Variants in USP8 observed in about 807,000 individuals in gnomAD.
USP8 encodes the protein ubiquitin carboxyl-terminal hydrolase 8.
Under a neutral mutation model 130.0 loss-of-function variants are expected in USP8, and 27 were observed. That is an observed-to-expected ratio of 0.21 (90% CI 0.15 to 0.29). USP8 has a LOEUF of 0.29. USP8 is among the 10% of genes least tolerant of loss of function. USP8 has a pLI of 1.00. For synonymous variants in USP8, 392 were observed against 444.1 expected (o/e 0.88, Z 1.48); for missense variants, 1,029 against 1,312.2 (o/e 0.78, Z 3.33).
At chr15:50,476,255 C>T (rs560078960) in intron 8 of USP8, among the ~76,000 whole-genome samples, 2 of 152,234 alleles carry the variant, frequency 1.3e-5, no homozygotes, top group African/African-American at 4.8e-5. Flanking sequence ...CATGGCGAAA[C>T]CCCAGCTCAC....
chr15:50,484,486 C>A (rs2051884995), intron 12 of USP8, 125 bp downstream of exon 12: 3 of 706,800 alleles, frequency 4.2e-6, no homozygotes, highest in East Asian at 3.3e-5. Flanking sequence ...TCGTTGCCAT[C>A]TTTGGTAGCT....
At position 50,500,752 on chromosome 15, in the gene USP8, G is replaced by GTGT. The variant is rs1566898368; in HGVS notation, c.*1666_*1668dup. ...AGTATCTGGAATCTCACTGACTCGT[G>GTGT]TGTTATCAAAGCTATATCAGGCCTG... On this transcript the variant is annotated 3_prime_UTR_variant, in exon 20 of 20. Coordinates refer to ENST00000307179, the MANE Select transcript of USP8 (RefSeq NM_005154.5). The GTGT allele has an allele frequency of 6.3e-7, 1 of 1,577,646 alleles. No homozygotes were observed. The highest frequency in any genetic ancestry group is 8.6e-7 in the Non-Finnish European group (1 of 1,160,608).
rs2051602956 is a variant in USP8 at position 50,477,380 on chromosome 15, G to A, written c.1099G>A (p.Gly367Ser). The A allele has an allele frequency of 3.7e-6, 6 of 1,614,096 alleles. No homozygotes were observed. The highest frequency in any genetic ancestry group is 5.1e-6 in the Non-Finnish European group (6 of 1,180,018). The change falls in exon 10 of 20, where the codon GGT (glycine) becomes AGT (serine). Residue 367 changes from glycine to serine, a missense_variant. Gly to Ser is a moderately conservative substitution (Grantham distance 56, BLOSUM62 0). Transcript: ENST00000307179. ...EVDENIELIS[G>S]QNERMGPLNI... ...AGATGAAAATATAGAATTGATAAGT[G>A]GTCAAAATGAGAGAATGGGACCACT... is the stretch of plus-strand genomic sequence containing the variant.
At chr15:50,491,831 G>C (rs1373471491) in intron 14 of USP8, among the ~76,000 whole-genome samples, 1 of 152,046 alleles carries the variant, frequency 6.6e-6, no homozygotes, top group African/African-American at 2.4e-5. Context: ...TGTCCAGTAT[G>C]GTTTGTGTCT....
chr15:50,460,019 C>G (rs2050933659), intron 5 of USP8, among the ~76,000 whole-genome samples: 1 of 77,618 alleles, frequency 1.3e-5, no homozygotes, highest in Non-Finnish European at 2.4e-5. Context: ...TTTTTTGAGA[C>G]AGAGTCTCAT....
intron 4 of USP8, among the ~76,000 whole-genome samples, chr15:50,454,065 T>C (rs1356192698): frequency 1.3e-5 from 2 of 152,144 alleles, no homozygotes; most frequent in East Asian, 3.9e-4. Context: ...GGTTTTACCA[T>C]GTTGGCCAGG....
intron 3 of USP8, among the ~76,000 whole-genome samples, chr15:50,441,903 A>G (rs1001145927): frequency 6.7e-6 from 1 of 149,118 alleles, no homozygotes; most frequent in Non-Finnish European, 1.5e-5. Context: ...CTTTTTATAT[A>G]TGACTGACAT....
rs2052614445 is a variant in USP8 at position 50,503,130 on chromosome 15, T to A, written c.*4042T>A. The A allele has an allele frequency of 6.6e-6, 1 of 152,140 alleles. No individual in the cohort carries two copies. Among genetic ancestry groups the A allele is most frequent in the Non-Finnish European group, 1.5e-5 (1 of 68,040 alleles). 9.4% of individuals were successfully genotyped at this position (152,140 alleles called of 1,614,324 possible). On this transcript the variant is annotated 3_prime_UTR_variant, in exon 20 of 20. Coordinates refer to ENST00000307179, the MANE Select transcript of USP8 (RefSeq NM_005154.5). The stretch of plus-strand genomic sequence containing the variant: ...TGGGAGGCTGAGGCAGGCGGATCAC[T>A]TGAGGTCAGGAGTTTGAGACTAGCC...
At chr15:50,441,564 A>C in intron 3 of USP8, 71 bp downstream of exon 3, 21 of 1,314,498 alleles carry the variant, frequency 1.6e-5, no homozygotes, top group Non-Finnish European at 2.1e-5. Flanking sequence ...TTTTTCTAAA[A>C]ATTTTAAGTA....
chr15:50,473,818 A>T (rs111775104), intron 8 of USP8, among the ~76,000 whole-genome samples: 5,309 of 149,402 alleles, frequency 0.036, 161 homozygotes, highest in East Asian at 0.15. Context: ...ATATATATAT[A>T]TATTTTTTTA....
chr15:50,454,267 G>T (rs2050717469), intron 4 of USP8, among the ~76,000 whole-genome samples: 2 of 151,888 alleles, frequency 1.3e-5, no homozygotes, highest in Admixed American at 1.3e-4. Context: ...ACTGTCTTCT[G>T]GCCTCCATTG....
chr15:50,450,643 G>A (rs1295547350), intron 4 of USP8, among the ~76,000 whole-genome samples: 4 of 151,600 alleles, frequency 2.6e-5, no homozygotes, highest in African/African-American at 9.7e-5. Context: ...GGCTAATTTT[G>A]TATTTTTAGT....
intron 18 of USP8, 40 bp downstream of exon 18, chr15:50,497,271 A>G (rs1373776619): frequency 1.5e-5 from 23 of 1,560,008 alleles, no homozygotes; most frequent in South Asian, 2.4e-5. Context: ...GTGAAATTAA[A>G]TGAGGGAATT....
chr15:50,464,928 C>T, intron 6 of USP8, 119 bp from the exon 7 acceptor site: 1 of 971,356 alleles, frequency 1.0e-6, no homozygotes, highest in Non-Finnish European at 1.5e-6. Flanking sequence ...AAATATGTGG[C>T]ATCCATATAT....
At chr15:50,474,244 A>T (rs3131563) in intron 8 of USP8, among the ~76,000 whole-genome samples, 151,076 of 152,236 alleles carry the variant, frequency 0.99, 74,982 homozygotes, top group Middle Eastern at 1. Flanking sequence ...GCTCAAACAA[A>T]CTCCTGCCTC....
chr15:50,494,908 AG>A (rs1405716065), intron 16 of USP8, among the ~76,000 whole-genome samples: 1 of 151,982 alleles, frequency 6.6e-6, no homozygotes, highest in African/African-American at 2.4e-5. Flanking sequence ...CCAGCTACTC[AG>A]GTGGCTGAAG....
intron 19 of USP8, 85 bp from the exon 20 acceptor site, chr15:50,498,818 A>G: frequency 6.5e-7 from 1 of 1,549,742 alleles, no homozygotes; most frequent in Non-Finnish European, 8.7e-7. Flanking sequence ...AAGAGTAAGA[A>G]CAACATAAAG....
At chr15:50,442,444 A>G (rs2050290271) in intron 3 of USP8, among the ~76,000 whole-genome samples, 1 of 152,208 alleles carries the variant, frequency 6.6e-6, no homozygotes, top group Non-Finnish European at 1.5e-5. Context: ...CAATTGTATT[A>G]GAAACTAGCA....
In USP8 at chr15:50,482,085, A is replaced by T. The variant is rs201842291; in HGVS notation, c.1803+20A>T. ...GGCAAGGTAAGCAGAAACAGTACAA[A>T]TTGCCAACGAAGTGAAAGAAAATGT... On this transcript the variant is annotated intron_variant, in intron 11 of 19. Transcript: ENST00000307179. 6.8e-7 allele frequency: 1 copy of T among 1,463,496 alleles called. No individual in the cohort carries two copies. The allele number at this position is 1,463,496 out of a possible 1,614,324, so 90.7% of individuals were successfully genotyped here.
Sources: gnomAD v4.1 joint callset for allele counts (sites outside exome capture counted in the v4.1 genomes callset) on GRCh38, gnomAD v4.1.1 for gene constraint, MANE v1.5 for transcripts, NCBI Gene and HGNC (gene_info 2026-07-23, HGNC 2026-07-21) for gene names.